The following CHRM3 variants were observed in gnomAD, a reference collection of about 807,000 sequenced individuals.
The protein encoded by CHRM3 is cholinergic receptor muscarinic 3.
In CHRM3, 11 loss-of-function variants were observed where a neutral mutation model predicts 41.8. That is an observed-to-expected ratio of 0.26 (90% CI 0.17 to 0.44). The LOEUF (loss-of-function observed/expected upper bound fraction) is 0.44. CHRM3 is among the 20% of genes least tolerant of loss of function. CHRM3 has a pLI of 1.00. For synonymous variants in CHRM3, 297 were observed against 301.4 expected (o/e 0.99, Z 0.15); for missense variants, 571 against 745.4 (o/e 0.77, Z 2.72).
intron 6 of CHRM3, among the ~76,000 whole-genome samples, chr1:239,833,620 C>T (rs974043006): frequency 1.1e-4 from 16 of 152,308 alleles, no homozygotes; most frequent in Admixed American, 2.6e-4. Flanking sequence ...AATTCCTGCA[C>T]GCTGGCTGAG....
At chr1:239,675,988 A>C (rs1558443239) in intron 4 of CHRM3, among the ~76,000 whole-genome samples, 1 of 152,128 alleles carries the variant, frequency 6.6e-6, no homozygotes, top group Non-Finnish European at 1.5e-5. Flanking sequence ...TTCTCTCATT[A>C]AGTGTCAGAG....
Position 239,742,933 on chromosome 1 carries a change from C to T in CHRM3, c.-147+64645C>T, listed in dbSNP as rs191234936. Among the ~76,000 whole-genome samples the T allele has an allele frequency of 1.1e-4, 16 of 152,256 alleles. No homozygotes were observed. The East Asian group carries it at 3.1e-3, about 29-fold the overall frequency. ...ACATCTGTCGCCATCTAATCTTCAT[C>T]TACTGAAGATAGGTCTTTTTGGACA... On this transcript the variant is annotated intron_variant, in intron 5 of 6. Transcript: ENST00000676153.
chr1:239,895,952 G>A (rs944512523), intron 6 of CHRM3, among the ~76,000 whole-genome samples: 4 of 152,136 alleles, frequency 2.6e-5, no homozygotes, highest in Non-Finnish European at 4.4e-5. Context: ...ACCTGCCCAT[G>A]TACCCCTGAA....
At chr1:239,761,036 T>C (rs1254764896) in intron 5 of CHRM3, among the ~76,000 whole-genome samples, 2 of 152,214 alleles carry the variant, frequency 1.3e-5, no homozygotes, top group Non-Finnish European at 2.9e-5. Flanking sequence ...CAATCTGATA[T>C]TGTCCCACTG....
chr1:239,633,156 A>G (rs976361159), intron 4 of CHRM3, among the ~76,000 whole-genome samples: 1 of 152,154 alleles, frequency 6.6e-6, no homozygotes. Flanking sequence ...TATTTTCAGT[A>G]GAGATGGGGT....
At chr1:239,400,493 T>C (rs866313212) in intron 1 of CHRM3, among the ~76,000 whole-genome samples, 3 of 152,322 alleles carry the variant, frequency 2.0e-5, no homozygotes, top group South Asian at 2.1e-4. Context: ...TTTTGTTGCC[T>C]GTGATTTTGA....
chr1:239,704,461 C>T (rs1455593438), intron 5 of CHRM3: 1 of 152,150 alleles, frequency 6.6e-6, no homozygotes, highest in Admixed American at 6.5e-5. Flanking sequence ...AGATAAAACT[C>T]GAAAGAACAT....
At chr1:239,411,642 T>A (rs987380789) in intron 1 of CHRM3, among the ~76,000 whole-genome samples, 11 of 142,534 alleles carry the variant, frequency 7.7e-5, no homozygotes, top group African/African-American at 2.9e-4. Context: ...GGACAATCGC[T>A]TGAACCCGGG....
chr1:239,539,893 A>G (rs1458333485), intron 2 of CHRM3, among the ~76,000 whole-genome samples: 3 of 152,212 alleles, frequency 2.0e-5, no homozygotes, highest in Non-Finnish European at 4.4e-5. Context: ...CTGGGATTAC[A>G]GTCATGAGCC....
At chr1:239,690,284 A>T (rs1229701362) in intron 5 of CHRM3, among the ~76,000 whole-genome samples, 1 of 151,996 alleles carries the variant, frequency 6.6e-6, no homozygotes, top group Non-Finnish European at 1.5e-5. Context: ...GAGTGACGGG[A>T]TCTCGACTCA....
Position 239,546,827 on chromosome 1 carries a change from T to A in CHRM3, c.-313+1078T>A, listed in dbSNP as rs376073124. Among the ~76,000 whole-genome samples the A allele has an allele frequency of 8.5e-5, 13 of 152,260 alleles. 1 individual carries two copies. In the South Asian group the frequency reaches 1.7e-3, roughly 19 times the overall value. On this transcript the variant is annotated intron_variant, in intron 3 of 6. Transcript: ENST00000676153. ...TAGTTTCAAGATACTAAGGAAACAA[T>A]GTAGGAATTTGGTGAGATTGTAAAT...
intron 1 of CHRM3, among the ~76,000 whole-genome samples, chr1:239,389,176 T>C (rs1658803958): frequency 6.6e-6 from 1 of 152,074 alleles, no homozygotes; most frequent in Non-Finnish European, 1.5e-5. Flanking sequence ...GTGTGGAAAA[T>C]TATTGTAAGG....
intron 3 of CHRM3, among the ~76,000 whole-genome samples, chr1:239,612,170 G>T (rs1667149522): frequency 6.6e-6 from 1 of 151,998 alleles, no homozygotes; most frequent in South Asian, 2.1e-4. Context: ...CATTTCAAAG[G>T]GGCAATCACA....
intron 3 of CHRM3, among the ~76,000 whole-genome samples, chr1:239,571,864 T>C (rs1373684802): frequency 6.6e-6 from 1 of 152,208 alleles, no homozygotes; most frequent in East Asian, 1.9e-4. Flanking sequence ...CTTTTCTTTT[T>C]TCCCCCTAGA....
chr1:239,751,820 T>A (rs1558511751), intron 5 of CHRM3, among the ~76,000 whole-genome samples: 1 of 152,132 alleles, frequency 6.6e-6, no homozygotes, highest in Non-Finnish European at 1.5e-5. Context: ...ATGATTCAGG[T>A]AAAGTGCATA....
chr1:239,811,977 C>T (rs1018483039), intron 5 of CHRM3, among the ~76,000 whole-genome samples: 1 of 152,178 alleles, frequency 6.6e-6, no homozygotes, highest in Non-Finnish European at 1.5e-5. Flanking sequence ...GTGTTTAATT[C>T]ATATCGATTT....
intron 1 of CHRM3, among the ~76,000 whole-genome samples, chr1:239,434,600 A>G (rs1663087254): frequency 6.6e-6 from 1 of 152,220 alleles, no homozygotes; most frequent in African/African-American, 2.4e-5. Flanking sequence ...CCACTCTCCC[A>G]GTAATGGGCA....
rs892379527 is a variant in CHRM3, at chr1:239,908,657, G to A, written c.1206G>A (p.Glu402=). The A allele has an allele frequency of 6.2e-6, 10 of 1,612,592 alleles. No homozygotes were observed. The Admixed American group carries it at 6.7e-5, about 11-fold the overall frequency. Residue 402 remains glutamate (E), a synonymous_variant, in exon 7 of 7, where the codon GAG becomes GAA. Coordinates refer to ENST00000676153, the MANE Select transcript of CHRM3 (RefSeq NM_001375978.1). This position sits in a 1 kb window ranked among gnomAD's most constrained non-coding sequence, Gnocchi z 7.2. ...AGGAGCTGGGGATGGTGGACTTGGAGAGGAAAGCCGACAAGCTGCAGGCCC... is the reference window on the plus strand; with the variant it reads ...AGGAGCTGGGGATGGTGGACTTGGAAAGGAAAGCCGACAAGCTGCAGGCCC... The part of the protein sequence containing the change: ...PEEELGMVDL[E]RKADKLQAQK...
intron 1 of CHRM3, among the ~76,000 whole-genome samples, chr1:239,468,684 C>T (rs532021349): frequency 3.9e-5 from 6 of 152,180 alleles, no homozygotes; most frequent in African/African-American, 1.4e-4. Context: ...GATATTAGTC[C>T]TATGATTTTC....
Sources: allele counts gnomAD v4.1 joint callset (sites outside exome capture counted in the v4.1 genomes callset), GRCh38; gene constraint gnomAD v4.1.1; non-coding constraint Gnocchi (gnomAD v3.1); transcripts MANE v1.5; gene names NCBI Gene and HGNC (gene_info 2026-07-23, HGNC 2026-07-21).